The following CCDC88A variants were observed in gnomAD, a reference collection of about 807,000 sequenced individuals.
The protein encoded by CCDC88A is girdin.
Under a neutral mutation model 234.3 loss-of-function variants are expected in CCDC88A, and 54 were observed. That is an observed-to-expected ratio of 0.23 (90% CI 0.19 to 0.29). The LOEUF (loss-of-function observed/expected upper bound fraction) is 0.29, where lower values mean the gene tolerates loss of function less well. CCDC88A is among the 10% of genes least tolerant of loss of function. The probability of loss-of-function intolerance (pLI) is 1.00; values close to 1 mark genes in which losing one functional copy is unlikely to be tolerated. For missense variants in CCDC88A, 1,832 were observed against 2,123.4 expected (o/e 0.86, Z 2.70); for synonymous variants, 753 against 737.8 (o/e 1.02, Z -0.33).
In CCDC88A at chr2:55,307,976, C is replaced by CT. The variant is rs35845333; in HGVS notation, c.4387+832dup. 102 of 98,274 alleles carry CT rather than the reference C, an allele frequency of 1.0e-3. No individual in the cohort carries two copies. In the East Asian group the frequency reaches 0.015, roughly 14 times the overall value. 6.1% of individuals were successfully genotyped at this position (98,274 alleles called of 1,614,324 possible). On this transcript the variant is annotated intron_variant, in intron 25 of 32. Transcript: ENST00000436346. ...GCTAATTTTGTATTTTTCTTTCTTT[C>CT]TTTTTTTTTTTTTTTTTTGAGATGG...
chr2:55,357,098 C>T lies in CCDC88A; in HGVS notation c.628-1347G>A, dbSNP rs932617761. 3.9e-5 allele frequency among the ~76,000 whole-genome samples: 6 copies of T among 152,054 alleles called. No homozygotes were observed. In the South Asian group the frequency reaches 6.2e-4, roughly 16 times the overall value. ...TATGAACAACGGTTCTTGGAGGGTC[C>T]TAACAATACCTCAAAGGTTTAGCTC... On this transcript the variant is annotated intron_variant, in intron 7 of 32. Coordinates refer to ENST00000436346, the MANE Select transcript of CCDC88A (RefSeq NM_001365480.1).
At chr2:55,341,311 A>AT (rs1308088580) in intron 12 of CCDC88A, among the ~76,000 whole-genome samples, 1 of 150,132 alleles carries the variant, frequency 6.7e-6, no homozygotes. Flanking sequence ...CGCTCAGCAA[A>AT]TTTTTTTTGT....
chr2:55,387,521 C>A (rs1280733531), intron 3 of CCDC88A, among the ~76,000 whole-genome samples: 1 of 151,864 alleles, frequency 6.6e-6, no homozygotes, highest in Non-Finnish European at 1.5e-5. Context: ...GGGGCTCATG[C>A]CTGTAATCCC....
chr2:55,340,241 T>C (rs940574303), intron 12 of CCDC88A: 1 of 152,176 alleles, frequency 6.6e-6, no homozygotes, highest in South Asian at 2.1e-4. Flanking sequence ...ATAAGAACAT[T>C]AGGATTTACA....
chr2:55,332,392 G>A lies in CCDC88A; in HGVS notation c.2855+174C>T. The A allele has an allele frequency of 1.7e-6, 2 of 1,180,230 alleles. No homozygotes were observed. The highest frequency in any genetic ancestry group is 1.6e-5 in the African/African-American group (1 of 63,262). 73.1% of individuals were successfully genotyped at this position (1,180,230 alleles called of 1,614,324 possible). A position where few individuals can be genotyped will look rare whatever the true frequency, so the allele number is the denominator to read the frequency against. On this transcript the variant is annotated intron_variant, in intron 16 of 32. Transcript: ENST00000436346. This position sits in a 1 kb window ranked among gnomAD's most constrained non-coding sequence, Gnocchi z 4.5. ...CCGCTTCAGCCTCCCAAAGTGCTGG[G>A]ATTATAGGTGTGAGCCACCGCACCC...
intron 2 of CCDC88A, among the ~76,000 whole-genome samples, chr2:55,407,074 C>T (rs765186428): frequency 2.0e-5 from 3 of 152,010 alleles, no homozygotes; most frequent in Non-Finnish European, 4.4e-5. Context: ...ATTAGCCAGG[C>T]ATGGTGACAT....
At chr2:55,333,272 C>T (rs1685137979) in intron 15 of CCDC88A, among the ~76,000 whole-genome samples, 1 of 152,116 alleles carries the variant, frequency 6.6e-6, no homozygotes, top group Non-Finnish European at 1.5e-5. Flanking sequence ...TTAAATTGAA[C>T]TTAAAGGGTT....
Position 55,318,963 on chromosome 2 carries a change from T to A in CCDC88A, c.3204A>T (p.Gln1068His). The A allele has an allele frequency of 6.2e-7, 1 of 1,613,514 alleles. No individual in the cohort carries two copies. Among genetic ancestry groups the A allele is most frequent in the Non-Finnish European group, 8.5e-7 (1 of 1,179,618 alleles). Residue 1068 changes from glutamine to histidine, a missense_variant, in exon 19 of 33, where the codon CAA (glutamine) becomes CAT (histidine). Transcript: ENST00000436346. ...LQAEKQALKTQLKQLETQNNN... is the reference protein window; with the variant it reads ...LQAEKQALKTHLKQLETQNNN... ...TGTTCTGTGTCTCAAGTTGCTTCAG[T>A]TGAGTTTTCAACGCTTGCTTCTCTG...
chr2:55,338,258 T>A (rs1181899309), intron 13 of CCDC88A, among the ~76,000 whole-genome samples: 1 of 152,226 alleles, frequency 6.6e-6, no homozygotes, highest in African/African-American at 2.4e-5. Flanking sequence ...AAACGCTTAT[T>A]AAGATTATTT....
chr2:55,301,278 C>A lies in CCDC88A; in HGVS notation c.4673-1G>T. ...CTTATGTCTTCAAAGGATGTAGTAT[C>A]TACATAAAATAGCAAAATGGATATA... On this transcript the variant is annotated splice_acceptor_variant, in intron 27 of 32. Coordinates refer to ENST00000436346, the MANE Select transcript of CCDC88A (RefSeq NM_001365480.1). LOFTEE classifies it high-confidence loss of function. The A allele has an allele frequency of 6.5e-7, 1 of 1,535,154 alleles. No individual in the cohort carries two copies. The highest frequency in any genetic ancestry group is 8.9e-7 in the Non-Finnish European group (1 of 1,125,140).
At chr2:55,292,844 G>C (rs1679583288) in intron 31 of CCDC88A, 1 of 152,246 alleles carries the variant, frequency 6.6e-6, no homozygotes, top group Non-Finnish European at 1.5e-5. Context: ...CTAGGCTACA[G>C]AGTGAGATTC....
intron 23 of CCDC88A, among the ~76,000 whole-genome samples, chr2:55,311,862 T>C (rs754968588): frequency 6.6e-6 from 1 of 152,172 alleles, no homozygotes; most frequent in Non-Finnish European, 1.5e-5. Flanking sequence ...TCTCAACTCC[T>C]TGGTATGGCA....
chr2:55,294,790 C>T (rs1679825108), intron 31 of CCDC88A: 11 of 1,006,632 alleles, frequency 1.1e-5, no homozygotes, highest in African/African-American at 1.7e-5. Flanking sequence ...TCTTATCAGG[C>T]AACAAAAAAT....
chr2:55,335,185 T>G lies in CCDC88A; in HGVS notation c.1657-21A>C, dbSNP rs1005392862. The G allele has an allele frequency of 8.5e-6, 12 of 1,417,222 alleles. No homozygotes were observed. Among genetic ancestry groups the G allele is most frequent in the Non-Finnish European group, 1.0e-5 (11 of 1,068,078 alleles). 87.8% of individuals were successfully genotyped at this position (1,417,222 alleles called of 1,614,324 possible). A position where few individuals can be genotyped will look rare whatever the true frequency, so the allele number is the denominator to read the frequency against. The stretch of plus-strand genomic sequence containing the variant: ...TTAATCTAATTTGAAAAGAAAATAA[T>G]TAAAAGCTGTAATTGAGGAAAAACT... On this transcript the variant is annotated intron_variant, in intron 14 of 32. Transcript: ENST00000436346. This position sits in a 1 kb window ranked among gnomAD's most constrained non-coding sequence, Gnocchi z 4.5.
chr2:55,402,781 A>G (rs937535401), intron 2 of CCDC88A, among the ~76,000 whole-genome samples: 6 of 151,838 alleles, frequency 4.0e-5, no homozygotes, highest in African/African-American at 1.4e-4. Flanking sequence ...AGGCCAAGGC[A>G]GGCGGATCAC....
chr2:55,374,660 C>T (rs777201198), intron 4 of CCDC88A, among the ~76,000 whole-genome samples, 154 bp downstream of exon 4: 3 of 152,130 alleles, frequency 2.0e-5, no homozygotes, highest in African/African-American at 7.2e-5. Flanking sequence ...ATATTCTAAG[C>T]TTGTCTCTTT....
intron 9 of CCDC88A, among the ~76,000 whole-genome samples, chr2:55,346,683 G>A (rs887594447): frequency 1.3e-5 from 2 of 152,092 alleles, no homozygotes; most frequent in South Asian, 4.1e-4. Context: ...GCCTCCCAAA[G>A]TGCTGGGATT....
intron 2 of CCDC88A, among the ~76,000 whole-genome samples, chr2:55,415,608 G>A (rs1352854566): frequency 6.6e-6 from 1 of 152,148 alleles, no homozygotes; most frequent in Admixed American, 6.5e-5. Flanking sequence ...AGACAGCAAG[G>A]TAGCTAAAGT....
At chr2:55,391,177 C>A (rs533584837) in intron 2 of CCDC88A, among the ~76,000 whole-genome samples, 19 of 152,278 alleles carry the variant, frequency 1.2e-4, no homozygotes, top group African/African-American at 4.3e-4. Context: ...CCAGAACATA[C>A]AGCAGAGACC....
Sources: gnomAD v4.1 joint callset for allele counts (sites outside exome capture counted in the v4.1 genomes callset) on GRCh38, gnomAD v4.1.1 for gene constraint, Gnocchi (gnomAD v3.1) non-coding constraint, MANE v1.5 for transcripts, NCBI Gene and HGNC (gene_info 2026-07-23, HGNC 2026-07-21) for gene names.